Variants in DYNC2H1 observed in about 807,000 individuals in gnomAD.
The protein encoded by DYNC2H1 is dynein cytoplasmic 2 heavy chain 1, also known as cytoplasmic dynein 2 heavy chain 1.
In DYNC2H1, 410 loss-of-function variants were observed where a neutral mutation model predicts 570.0. That is an observed-to-expected ratio of 0.72 (90% confidence interval 0.66 to 0.78). The LOEUF (loss-of-function observed/expected upper bound fraction) is 0.78. Among genes scored for constraint, DYNC2H1 ranks in the 30% least tolerant of loss-of-function variants. DYNC2H1 has a pLI of 0.00. For synonymous variants in DYNC2H1, 1,688 were observed against 1,677.6 expected (o/e 1.01, Z -0.15); for missense variants, 4,865 against 5,046.4 (o/e 0.96, Z 1.09).
chr11:103,477,626 T>G (rs1410118155), intron 88 of DYNC2H1, among the ~76,000 whole-genome samples: 8 of 151,952 alleles, frequency 5.3e-5, no homozygotes, highest in African/African-American at 1.7e-4. Flanking sequence ...GGTCAGGAGA[T>G]GGAGACCATC....
In DYNC2H1 at chr11:103,170,050, A is replaced by C; in HGVS notation, c.4969-58A>C. The C allele has an allele frequency of 7.2e-7, 1 of 1,380,388 alleles. No homozygotes were observed. Among genetic ancestry groups the C allele is most frequent in the Non-Finnish European group, 9.6e-7 (1 of 1,037,460 alleles). The allele number at this position is 1,380,388 out of a possible 1,614,324, so 85.5% of individuals were successfully genotyped here. On this transcript the variant is annotated intron_variant, in intron 32 of 88. Transcript: ENST00000375735. The surrounding 1 kb of genome is among the most constrained non-coding windows in gnomAD (Gnocchi z 4.8). Reference sequence around the variant, plus strand: ...TTAACTACAATCTCATGCTGTAAAAATATTTGTAAATGTTGAATAGAACAT... The same window carrying C: ...TTAACTACAATCTCATGCTGTAAAACTATTTGTAAATGTTGAATAGAACAT...
chr11:103,188,433 A>G (rs1171677730), intron 43 of DYNC2H1, 64 bp from the exon 44 acceptor site: 2 of 1,289,054 alleles, frequency 1.6e-6, no homozygotes, highest in South Asian at 1.7e-5. Flanking sequence ...AGGCAAAAAT[A>G]TCCTTTATCA....
chr11:103,173,962 T>C, intron 35 of DYNC2H1, 93 bp from the exon 36 acceptor site: 1 of 803,166 alleles, frequency 1.2e-6, no homozygotes, highest in Non-Finnish European at 2.0e-6. Flanking sequence ...CATTTCTATG[T>C]GTCAGTGTTA....
At position 103,243,296 on chromosome 11, in the gene DYNC2H1, GATAGATAGATAA is replaced by G. The variant is rs58691541; in HGVS notation, c.9820-391_9820-380del. Among the ~76,000 whole-genome samples, 29,369 of 128,104 alleles carry G rather than the reference GATAGATAGATAA, an allele frequency of 0.23. 2,931 individuals carry two copies. The highest frequency in any genetic ancestry group is 0.25 in the African/African-American group (8,267 of 32,900). The allele number at this position is 128,104 out of a possible 152,430, so 84.0% of individuals were successfully genotyped here. On this transcript the variant is annotated intron_variant, in intron 63 of 88. Coordinates refer to ENST00000375735, the MANE Select transcript of DYNC2H1 (RefSeq NM_001377.3). This position sits in a 1 kb window ranked among gnomAD's most constrained non-coding sequence, Gnocchi z 4.8. Reference sequence around the variant, plus strand: ...AGATAGATAGATAGATAGATAGATAGATAGATAGATAAATAGAGAATAATTTGACTGTGTATT... The same window carrying G: ...AGATAGATAGATAGATAGATAGATAGATAGAGAATAATTTGACTGTGTATT...
chr11:103,351,983 C>G (rs2051993288), intron 82 of DYNC2H1, among the ~76,000 whole-genome samples: 1 of 152,060 alleles, frequency 6.6e-6, no homozygotes, highest in Non-Finnish European at 1.5e-5. Context: ...TATTAATTTA[C>G]ATATTCCTAA....
intron 20 of DYNC2H1, among the ~76,000 whole-genome samples, chr11:103,149,301 GCT>G (rs1329099427): frequency 6.6e-6 from 1 of 152,110 alleles, no homozygotes; most frequent in Non-Finnish European, 1.5e-5. Flanking sequence ...TAATGGAAGA[GCT>G]CATAATTAAA....
intron 56 of DYNC2H1, among the ~76,000 whole-genome samples, 187 bp from the exon 57 acceptor site, chr11:103,220,436 G>A (rs865975802): frequency 2.0e-5 from 3 of 152,122 alleles, no homozygotes; most frequent in African/African-American, 2.4e-5. Context: ...GTGGCAAGAC[G>A]TCTTACTGTC....
rs763051256 is a variant in DYNC2H1, at chr11:103,156,750, C to T, written c.4107C>T (p.Asn1369=). Residue 1369 remains asparagine, a synonymous_variant, in exon 26 of 89, where the codon AAC becomes AAT. Coordinates refer to ENST00000375735, the MANE Select transcript of DYNC2H1 (RefSeq NM_001377.3). ...TGCCAAAAGAACAGACACGCTTCAA[C>T]AGAGTTGATGAAGATTTTAGGTCAG... ...GALPKEQTRF[N]RVDEDFRSIM... 6.2e-7 allele frequency: 1 copy of T among 1,610,246 alleles called. No homozygotes were observed. Among genetic ancestry groups the T allele is most frequent in the Non-Finnish European group, 8.5e-7 (1 of 1,179,040 alleles).
chr11:103,167,079 T>G (rs1382800975), intron 31 of DYNC2H1, among the ~76,000 whole-genome samples: 1 of 147,940 alleles, frequency 6.8e-6, no homozygotes, highest in Non-Finnish European at 1.5e-5. Flanking sequence ...CCTCTTTCCT[T>G]TATTATTTCC....
intron 36 of DYNC2H1, among the ~76,000 whole-genome samples, chr11:103,174,791 C>T (rs774108680): frequency 1.5e-4 from 23 of 152,002 alleles, no homozygotes; most frequent in Admixed American, 7.9e-4. Context: ...CCTTCATCAC[C>T]TGGCTATGGT....
chr11:103,228,520 CAG>C lies in DYNC2H1; in HGVS notation c.9354-2737_9354-2736del, dbSNP rs1361070007. On this transcript the variant is annotated intron_variant, in intron 59 of 88. Coordinates refer to ENST00000375735, the MANE Select transcript of DYNC2H1 (RefSeq NM_001377.3). The surrounding 1 kb of genome is among the most constrained non-coding windows in gnomAD (Gnocchi z 6.1). The stretch of plus-strand genomic sequence containing the variant: ...GGGCTGGTGTTGGGGAGTGTCTGCA[CAG>C]AGTCCTGTGATGTGATCTGTCTTCA... 2.0e-5 allele frequency among the ~76,000 whole-genome samples: 3 copies of C among 152,176 alleles called. No homozygotes were observed. The highest frequency in any genetic ancestry group is 7.2e-5 in the African/African-American group (3 of 41,452).
At chr11:103,233,404 TCA>T (rs1310961456) in intron 60 of DYNC2H1, among the ~76,000 whole-genome samples, 1 of 151,688 alleles carries the variant, frequency 6.6e-6, no homozygotes, top group Non-Finnish European at 1.5e-5. Context: ...TTTAATAAAA[TCA>T]CACACATATT....
chr11:103,392,320 G>A (rs1942192136), intron 83 of DYNC2H1, among the ~76,000 whole-genome samples: 1 of 152,212 alleles, frequency 6.6e-6, no homozygotes, highest in Non-Finnish European at 1.5e-5. Flanking sequence ...ACAATCTCCT[G>A]GTGTGCCGTT....
At chr11:103,284,969 T>G (rs1411748519) in intron 73 of DYNC2H1, among the ~76,000 whole-genome samples, 1 of 152,210 alleles carries the variant, frequency 6.6e-6, no homozygotes, top group African/African-American at 2.4e-5. Context: ...AAAGATGATA[T>G]TGTTTAAAGT....
rs770604151 is a variant in DYNC2H1 at position 103,311,970 on chromosome 11, T to C, written c.11586T>C (p.His3862=). The C allele has an allele frequency of 5.0e-6, 8 of 1,613,842 alleles. No homozygotes were observed. Among genetic ancestry groups the C allele is most frequent in the Admixed American group, 3.3e-5 (2 of 59,994 alleles). The part of the protein sequence containing the change: ...ISKKDNTHRA[H]ALFSLAWFHA... ...AAAAAGATAATACACATCGAGCTCA[T>C]GCTCTCTTCAGTCTTGCATGGTTTC... Residue 3862 remains histidine, a synonymous_variant, in exon 79 of 89, where the codon CAT becomes CAC. Coordinates refer to ENST00000375735, the MANE Select transcript of DYNC2H1 (RefSeq NM_001377.3).
Position 103,186,545 on chromosome 11 carries a change from T to C in DYNC2H1, c.6893+44T>C, listed in dbSNP as rs769091958. On this transcript the variant is annotated intron_variant, in intron 42 of 88. Transcript: ENST00000375735. This position sits in a 1 kb window ranked among gnomAD's most constrained non-coding sequence, Gnocchi z 4.5. ...AAGGTATATGTTGTGGATTTATTCC[T>C]GCCGCCCCTAATTGATTTAATGGCT... is the stretch of plus-strand genomic sequence containing the variant. The C allele has an allele frequency of 1.0e-5, 16 of 1,579,532 alleles. No individual in the cohort carries two copies. In the Admixed American group the frequency reaches 1.0e-4, roughly 10 times the overall value.
In DYNC2H1 at chr11:103,113,676, T is replaced by C; in HGVS notation, c.335T>C (p.Val112Ala). 6.4e-7 allele frequency: 1 copy of C among 1,553,984 alleles called. No homozygotes were observed. Among genetic ancestry groups the C allele is most frequent in the East Asian group, 2.4e-5 (1 of 41,928 alleles). The change falls in exon 2 of 89, where the codon GTA becomes GCA. Residue 112 changes from valine (V) to alanine (A), a missense_variant. Around this residue, in one of 5 missense-constraint regions of DYNC2H1, gnomAD observed 1,936 missense variants for 1,962.1 expected, o/e 0.99. Coordinates refer to ENST00000375735, the MANE Select transcript of DYNC2H1 (RefSeq NM_001377.3). ...CCTATTAGTTCTCTTTACCAAGCAG[T>C]ACGGCAAGTATTCGCACCAATGTTG... ...ESPISSLYQA[V>A]RQVFAPMLLK...
intron 19 of DYNC2H1, 21 bp from the exon 20 acceptor site, chr11:103,148,469 T>C (rs1315203486): frequency 6.5e-7 from 1 of 1,543,604 alleles, no homozygotes; most frequent in Non-Finnish European, 8.7e-7. Flanking sequence ...ACATTTCTTG[T>C]ATTTCAATGT....
chr11:103,476,336 T>C lies in DYNC2H1; in HGVS notation c.12766-2759T>C, dbSNP rs1320988988. On this transcript the variant is annotated intron_variant, in intron 88 of 88. Transcript: ENST00000375735. The stretch of plus-strand genomic sequence containing the variant: ...TATCCCAGAGTAGCATTTTCTTTAT[T>C]TTGATTTTCTGAAGTATATATTTTC... Among the ~76,000 whole-genome samples the C allele has an allele frequency of 2.0e-5, 3 of 152,308 alleles. No individual in the cohort carries two copies. The East Asian group carries it at 5.8e-4, about 29-fold the overall frequency.
Sources: allele counts gnomAD v4.1 joint callset (sites outside exome capture counted in the v4.1 genomes callset), GRCh38; gene constraint gnomAD v4.1.1; regional missense constraint gnomAD v4.1.1; non-coding constraint Gnocchi (gnomAD v3.1); transcripts MANE v1.5; gene names NCBI Gene and HGNC (gene_info 2026-07-23, HGNC 2026-07-21).